CAMK1: variants seen among roughly 807,000 people sequenced by gnomAD.
CAMK1 encodes the protein calcium/calmodulin-dependent protein kinase type 1.
Under a neutral mutation model 49.1 loss-of-function variants are expected in CAMK1, and 39 were observed. The observed-to-expected ratio is 0.79, with a 90% CI of 0.62 to 1.04. CAMK1 has a LOEUF of 1.04. Ranked by LOEUF, CAMK1 falls within the 50% of genes least tolerant of loss-of-function variation. The pLI, the probability that CAMK1 is intolerant of heterozygous loss-of-function variation, is 0.00. For synonymous variants in CAMK1, 192 were observed against 185.2 expected, an observed-to-expected ratio of 1.04 and a Z score of -0.30; for missense variants, 457 against 472.2, an observed-to-expected ratio of 0.97 and a Z score of 0.30.
Position 9,759,761 on chromosome 3 carries a change from A to G in CAMK1, c.746-11T>C. ...GGATGAAATCTTTGGCTAAACCCCC[A>G]AGACAAAAGCAAAGATAATGACAGC... is the stretch of plus-strand genomic sequence containing the variant. On this transcript the variant is annotated splice_polypyrimidine_tract_variant and intron_variant, in intron 8 of 11. Transcript: ENST00000256460. 6.2e-7 allele frequency: 1 copy of G among 1,614,102 alleles called. No homozygotes were observed. Among genetic ancestry groups the G allele is most frequent in the Non-Finnish European group, 8.5e-7 (1 of 1,179,992 alleles).
In CAMK1 at chr3:9,769,941, T is replaced by G. The variant is rs1311042686; in HGVS notation, c.-142A>C. 6.6e-6 allele frequency: 1 copy of G among 152,246 alleles called. No homozygotes were observed. The allele number at this position is 152,246 out of a possible 1,614,324, so 9.4% of individuals were successfully genotyped here. ...CTGGGCCACCCGCCCGCGCTCTTGC[T>G]GGAGCTGGGGCTCGGCTCGGCTCGG... On this transcript the variant is annotated 5_prime_UTR_variant, in exon 1 of 12. Coordinates refer to ENST00000256460, the MANE Select transcript of CAMK1 (RefSeq NM_003656.5).
chr3:9,766,404 G>A (rs747560705), intron 2 of CAMK1: 2 of 511,452 alleles, frequency 3.9e-6, no homozygotes, highest in East Asian at 7.6e-5. Context: ...ACACCCTTTA[G>A]AACCTTAAAG....
At chr3:9,765,201 G>A (rs1005506451) in intron 3 of CAMK1, among the ~76,000 whole-genome samples, 11 of 151,260 alleles carry the variant, frequency 7.3e-5, no homozygotes, top group Admixed American at 5.3e-4. Flanking sequence ...CACTCCAGCC[G>A]GGGCAACAGA....
chr3:9,768,841 C>A (rs1477411588), intron 1 of CAMK1, among the ~76,000 whole-genome samples: 1 of 152,152 alleles, frequency 6.6e-6, no homozygotes, highest in East Asian at 1.9e-4. Flanking sequence ...GGAACAGGAC[C>A]TTTTTCCCAG....
At chr3:9,764,641 T>G (rs1376457322) in intron 3 of CAMK1, among the ~76,000 whole-genome samples, 14 of 149,076 alleles carry the variant, frequency 9.4e-5, no homozygotes, top group Admixed American at 7.4e-4. Context: ...TTTTTTTTTT[T>G]TTTTGAGATG....
intron 5 of CAMK1, chr3:9,762,336 A>C (rs1409177770): frequency 6.5e-6 from 1 of 153,626 alleles, no homozygotes; most frequent in Admixed American, 6.5e-5. Context: ...AGTTTTCTAC[A>C]GAAGGGGAAT....
At chr3:9,767,412 C>T (rs2078183983) in intron 2 of CAMK1, among the ~76,000 whole-genome samples, 1 of 152,238 alleles carries the variant, frequency 6.6e-6, no homozygotes, top group Admixed American at 6.5e-5. Flanking sequence ...CTCTTGGCAG[C>T]AAGTTAAATG....
intron 2 of CAMK1, 149 bp from the exon 3 acceptor site, chr3:9,766,039 A>T: frequency 6.2e-7 from 1 of 1,606,860 alleles, no homozygotes; most frequent in South Asian, 1.1e-5. Flanking sequence ...CTGGCTCCAG[A>T]GATGGTCACA....
intron 3 of CAMK1, among the ~76,000 whole-genome samples, chr3:9,764,876 G>C (rs1036673085): frequency 6.6e-6 from 1 of 152,012 alleles, no homozygotes; most frequent in African/African-American, 2.4e-5. Context: ...GGAAGGCTCA[G>C]CTCTGCCACA....
chr3:9,760,933 T>C, intron 7 of CAMK1, 165 bp from the exon 8 acceptor site: 4 of 1,052,532 alleles, frequency 3.8e-6, no homozygotes, highest in Non-Finnish European at 5.4e-6. Context: ...TACATTATCC[T>C]TTCTGTTCCT....
chr3:9,758,701 C>T (rs1358048375), intron 10 of CAMK1: 1 of 181,328 alleles, frequency 5.5e-6, no homozygotes, highest in Non-Finnish European at 1.2e-5. Context: ...GCGATCTCAG[C>T]TCACTGCAAC....
intron 10 of CAMK1, chr3:9,759,088 C>G: frequency 9.9e-7 from 1 of 1,005,312 alleles, no homozygotes; most frequent in Non-Finnish European, 1.6e-6. Context: ...TCTCAGTCCC[C>G]TCAGCCCCTC....
chr3:9,761,692 G>C lies in CAMK1; in HGVS notation c.495C>G (p.Leu165=). 2 of 1,614,086 alleles carry C rather than the reference G, an allele frequency of 1.2e-6. No homozygotes were observed. The highest frequency in any genetic ancestry group is 4.5e-5 in the East Asian group (2 of 44,896). ...DSKIMISDFG[L]SKMEDPGSVL... ...CACTGCCCGGGTCCTCCATCTTGGA[G>C]AGGCCAAAGTCGGAGATCATGATTT... Residue 165 remains leucine, a synonymous_variant, in exon 6 of 12, where the codon CTC becomes CTG. Transcript: ENST00000256460.
At chr3:9,758,121 C>T (rs2077674365) in intron 10 of CAMK1, 1 of 350,756 alleles carries the variant, frequency 2.9e-6, no homozygotes, top group African/African-American at 2.1e-5. Flanking sequence ...CACTATAGCA[C>T]TGTATGTCAG....
Position 9,757,888 on chromosome 3 carries a change from T to A in CAMK1, c.913-42A>T. On this transcript the variant is annotated intron_variant, in intron 10 of 11. Coordinates refer to ENST00000256460, the MANE Select transcript of CAMK1 (RefSeq NM_003656.5). The surrounding 1 kb of genome is among the most constrained non-coding windows in gnomAD (Gnocchi z 4.5). ...TGAAGGGAGAGGGGAGAAAGGACTT[T>A]TGAGAGAGTCAAGTCATGGGGCAGG... The A allele has an allele frequency of 1.3e-6, 2 of 1,567,420 alleles. No individual in the cohort carries two copies. Among genetic ancestry groups the A allele is most frequent in the Non-Finnish European group, 1.7e-6 (2 of 1,151,040 alleles).
rs773067396 is a variant in CAMK1 at position 9,759,816 on chromosome 3, A to G, written c.746-66T>C. 9 of 1,613,250 alleles carry G rather than the reference A, an allele frequency of 5.6e-6. No homozygotes were observed. In the Admixed American group the frequency reaches 1.5e-4, roughly 27 times the overall value. On this transcript the variant is annotated intron_variant, in intron 8 of 11. Coordinates refer to ENST00000256460, the MANE Select transcript of CAMK1 (RefSeq NM_003656.5). ...TACTGCCTGTGTACTCCCCAAGAGCATACCCACTCCCTCAGGTCTGGCCTG... is the reference window on the plus strand; with the variant it reads ...TACTGCCTGTGTACTCCCCAAGAGCGTACCCACTCCCTCAGGTCTGGCCTG...
chr3:9,762,822 G>C, intron 5 of CAMK1, 92 bp downstream of exon 5: 6 of 1,250,314 alleles, frequency 4.8e-6, no homozygotes. Context: ...GGCTCAGTGA[G>C]GGGGTGAAAG....
At chr3:9,768,937 A>G (rs2078230772) in intron 1 of CAMK1, among the ~76,000 whole-genome samples, 2 of 151,964 alleles carry the variant, frequency 1.3e-5, no homozygotes, top group Non-Finnish European at 2.9e-5. Flanking sequence ...TGAAACCCAC[A>G]TGGAGGCCTA....
At position 9,763,204 on chromosome 3, in the gene CAMK1, G is replaced by T. The variant is rs2077973566; in HGVS notation, c.225C>A (p.His75Gln). The T allele has an allele frequency of 6.2e-7, 1 of 1,613,780 alleles. No individual in the cohort carries two copies. The highest frequency in any genetic ancestry group is 8.5e-7 in the Non-Finnish European group (1 of 1,180,024). ...TGTCATCCAGGGCTACAATGTTGGG[G>T]TGCTTGATCCTGAAAGGAGAAATGA... ...NEIAVLHKIK[H>Q]PNIVALDDIY... The change falls in exon 4 of 12, where the codon CAC becomes CAA. Residue 75 changes from histidine (H) to glutamine (Q), a missense_variant. Coordinates refer to ENST00000256460, the MANE Select transcript of CAMK1 (RefSeq NM_003656.5).
Sources: allele counts gnomAD v4.1 joint callset (sites outside exome capture counted in the v4.1 genomes callset), GRCh38; gene constraint gnomAD v4.1.1; non-coding constraint Gnocchi (gnomAD v3.1); transcripts MANE v1.5; gene names NCBI Gene and HGNC (gene_info 2026-07-23, HGNC 2026-07-21).